Variants in CNTN6 observed in about 807,000 individuals in gnomAD.
CNTN6 encodes the protein contactin-6.
Under a neutral mutation model 122.8 loss-of-function variants are expected in CNTN6, and 137 were observed. The ratio of observed to expected loss-of-function variants is 1.12; its 90% CI spans 0.97 to 1.29. The LOEUF is 1.29. Among genes scored for constraint, CNTN6 ranks in the 50% most tolerant of loss-of-function variants. The pLI is 0.00. For synonymous variants in CNTN6, 570 were observed against 426.0 expected, an observed-to-expected ratio of 1.34 and a Z score of -4.16; for missense variants, 1,634 against 1,223.4, an observed-to-expected ratio of 1.34 and a Z score of -5.01.
chr3:1,326,004 G>C, intron 9 of CNTN6, 53 bp downstream of exon 9: 1 of 1,507,992 alleles, frequency 6.6e-7, no homozygotes, highest in Non-Finnish European at 9.0e-7. Context: ...GGTAAATTTT[G>C]TTACTAACAG....
At chr3:1,322,720 C>T (rs1701034137) in intron 8 of CNTN6, among the ~76,000 whole-genome samples, 1 of 151,304 alleles carries the variant, frequency 6.6e-6, no homozygotes, top group Admixed American at 6.6e-5. Context: ...TGATTGAGTG[C>T]CCGTGGGGAG....
chr3:1,234,008 G>GT (rs1367503118), intron 4 of CNTN6, among the ~76,000 whole-genome samples: 1 of 152,014 alleles, frequency 6.6e-6, no homozygotes, highest in Non-Finnish European at 1.5e-5. Context: ...AATCATCATA[G>GT]TTTTTTCCAG....
intron 2 of CNTN6, among the ~76,000 whole-genome samples, chr3:1,169,424 A>C (rs1007454773): frequency 8.5e-5 from 13 of 152,258 alleles, no homozygotes; most frequent in African/African-American, 3.1e-4. Context: ...TTAATCCTCA[A>C]TGCTTGTGAG....
chr3:1,347,871 G>A (rs1380033385), intron 11 of CNTN6, among the ~76,000 whole-genome samples: 1 of 151,966 alleles, frequency 6.6e-6, no homozygotes, highest in Admixed American at 6.6e-5. Flanking sequence ...TAATGCTGAG[G>A]ACAGTTTTGC....
intron 6 of CNTN6, among the ~76,000 whole-genome samples, chr3:1,296,154 A>C (rs1696194594): frequency 6.6e-6 from 1 of 152,064 alleles, no homozygotes; most frequent in Admixed American, 6.6e-5. Context: ...GAATCAATAT[A>C]TTTTTAATGA....
At chr3:1,338,241 A>G (rs1324827786) in intron 11 of CNTN6, among the ~76,000 whole-genome samples, 1 of 152,170 alleles carries the variant, frequency 6.6e-6, no homozygotes, top group Non-Finnish European at 1.5e-5. Flanking sequence ...GAAAATGGGT[A>G]GGCTTCCTTG....
intron 1 of CNTN6, among the ~76,000 whole-genome samples, chr3:1,095,864 A>T (rs2090499426): frequency 6.6e-6 from 1 of 152,178 alleles, no homozygotes; most frequent in Admixed American, 6.5e-5. Flanking sequence ...TCTCAGTTTA[A>T]ACTTATTTCA....
intron 12 of CNTN6, among the ~76,000 whole-genome samples, chr3:1,369,791 A>G (rs1372083042): frequency 6.6e-6 from 1 of 152,044 alleles, no homozygotes; most frequent in Non-Finnish European, 1.5e-5. Flanking sequence ...CAGAGTAACT[A>G]CAAAAGGAAA....
intron 4 of CNTN6, among the ~76,000 whole-genome samples, chr3:1,239,315 C>A (rs902451155): frequency 6.6e-6 from 1 of 152,150 alleles, no homozygotes; most frequent in East Asian, 1.9e-4. Flanking sequence ...AATGAATTCA[C>A]CAAAGTTTCC....
At chr3:1,326,324 A>G (rs1336077345) in intron 9 of CNTN6, among the ~76,000 whole-genome samples, 6 of 151,676 alleles carry the variant, frequency 4.0e-5, no homozygotes, top group Non-Finnish European at 8.8e-5. Context: ...ACCCTCATGA[A>G]AACATTATAA....
At chr3:1,368,078 A>G (rs1294698025) in intron 12 of CNTN6, among the ~76,000 whole-genome samples, 1 of 152,256 alleles carries the variant, frequency 6.6e-6, no homozygotes, top group Non-Finnish European at 1.5e-5. Context: ...TTAGAAATAG[A>G]AATTAAACTT....
intron 12 of CNTN6, among the ~76,000 whole-genome samples, chr3:1,370,908 T>G (rs1708922054): frequency 6.6e-6 from 1 of 152,024 alleles, no homozygotes; most frequent in Non-Finnish European, 1.5e-5. Flanking sequence ...ATGGAAAGTA[T>G]TTTAAATAAT....
intron 11 of CNTN6, among the ~76,000 whole-genome samples, chr3:1,332,074 C>T (rs1472124957): frequency 6.6e-6 from 1 of 151,854 alleles, no homozygotes; most frequent in Non-Finnish European, 1.5e-5. Context: ...CTTTTCATTG[C>T]TTCAGGGTTT....
At chr3:1,148,394 A>G (rs1416261887) in intron 2 of CNTN6, among the ~76,000 whole-genome samples, 2 of 151,836 alleles carry the variant, frequency 1.3e-5, no homozygotes, top group African/African-American at 4.8e-5. Context: ...TATCACCAAT[A>G]AACAGTGAAT....
chr3:1,382,979 G>A lies in CNTN6; in HGVS notation c.2204G>A (p.Gly735Glu). 6.2e-7 allele frequency: 1 copy of A among 1,614,044 alleles called. No individual in the cohort carries two copies. The highest frequency in any genetic ancestry group is 1.3e-5 in the African/African-American group (1 of 75,036). The change falls in exon 18 of 23, where the codon GGA becomes GAA. Residue 735 changes from glycine to glutamate, a missense_variant. Coordinates refer to ENST00000446702, the MANE Select transcript of CNTN6 (RefSeq NM_001289080.2). ...GAACTGCAGAATGGGGAGGGATTTG[G>A]ATATATCATCATGTTCCGGCCAGTG... The part of the protein sequence containing the change: ...PEELQNGEGF[G>E]YIIMFRPVGS...
At chr3:1,244,565 A>C (rs1402827810) in intron 4 of CNTN6, among the ~76,000 whole-genome samples, 1 of 152,214 alleles carries the variant, frequency 6.6e-6, no homozygotes, top group Non-Finnish European at 1.5e-5. Flanking sequence ...AAAGAGCAGG[A>C]GGACGGGGGA....
At position 1,372,488 on chromosome 3, in the gene CNTN6, A is replaced by C. The variant is rs577446035; in HGVS notation, c.1668+14A>C. ...AGGATTGGAGGAGTAAGTTACTGAAATTGTTAAGTGCTTAATAAAATGAAT... is the reference window on the plus strand; with the variant it reads ...AGGATTGGAGGAGTAAGTTACTGAACTTGTTAAGTGCTTAATAAAATGAAT... On this transcript the variant is annotated intron_variant, in intron 13 of 22. Coordinates refer to ENST00000446702, the MANE Select transcript of CNTN6 (RefSeq NM_001289080.2). 1 of 1,591,760 alleles carries C rather than the reference A, an allele frequency of 6.3e-7. No homozygotes were observed. Among genetic ancestry groups the C allele is most frequent in the South Asian group, 1.1e-5 (1 of 87,720 alleles).
At chr3:1,259,589 C>T (rs1361174421) in intron 4 of CNTN6, among the ~76,000 whole-genome samples, 3 of 151,320 alleles carry the variant, frequency 2.0e-5, no homozygotes, top group Non-Finnish European at 4.4e-5. Flanking sequence ...ATACAAGATG[C>T]ATAAAGTCAG....
rs2094561655 is a variant in CNTN6, at chr3:1,245,299, T to TATATATATATATATAAC, written c.358+17321_358+17322insACATATATATATATATA. ...TACACACACATATATATATAACATA[T>TATATATATATATATAAC]ATATATATATATATATATATATATA... On this transcript the variant is annotated intron_variant, in intron 4 of 22. Transcript: ENST00000446702. Among the ~76,000 whole-genome samples the TATATATATATATATAAC allele has an allele frequency of 6.2e-4, 3 of 4,866 alleles. 1 individual carries two copies. The highest frequency in any genetic ancestry group is 7.8e-4 in the Non-Finnish European group (2 of 2,564). 3.2% of individuals were successfully genotyped at this position (4,866 alleles called of 152,430 possible). A position where few individuals can be genotyped will look rare whatever the true frequency, so the allele number is the denominator to read the frequency against.
Sources: allele counts gnomAD v4.1 joint callset (sites outside exome capture counted in the v4.1 genomes callset), GRCh38; gene constraint gnomAD v4.1.1; transcripts MANE v1.5; gene names NCBI Gene and HGNC (gene_info 2026-07-23, HGNC 2026-07-21).